The following SYT3 variants were observed in gnomAD, a reference collection of about 807,000 sequenced individuals.
The protein encoded by SYT3 is synaptotagmin 3.
Under a neutral mutation model 50.6 loss-of-function variants are expected in SYT3, and 25 were observed. The observed-to-expected ratio is 0.49, with a 90% CI of 0.36 to 0.69. The LOEUF (loss-of-function observed/expected upper bound fraction) is 0.69. Ranked by LOEUF, SYT3 falls within the 30% of genes least tolerant of loss-of-function variation. The pLI, the probability that SYT3 is intolerant of heterozygous loss-of-function variation, is 0.00. For missense variants in SYT3, 589 were observed against 793.6 expected (o/e 0.74, Z 3.10); for synonymous variants, 323 against 353.9 (o/e 0.91, Z 0.98).
the SYT3 span, among the ~76,000 whole-genome samples, chr19:50,645,664 A>G: frequency 5.3e-5 from 8 of 152,194 alleles, no homozygotes; most frequent in African/African-American, 1.9e-4. Flanking sequence ...AGATAGCTTG[A>G]GCTCAAGAGT....
chr19:50,656,346 G>A, the SYT3 span: 2 of 1,534,726 alleles, frequency 1.3e-6, no homozygotes, highest in Non-Finnish European at 1.7e-6. Context: ...TGGAGACCTT[G>A]GTGAGTGGAC....
intron 9 of SYT3, among the ~76,000 whole-genome samples, chr19:50,623,572 G>GT (rs55929546): frequency 1 from 144,951 of 145,658 alleles, 72,137 homozygotes; most frequent in Middle Eastern, 1. Flanking sequence ...GAGGTGGGAA[G>GT]TTGAGACCAG....
rs768850566 is a variant in SYT3, at chr19:50,625,384, G to A, written c.1574+9C>T. 9.7e-6 allele frequency: 15 copies of A among 1,542,554 alleles called. No homozygotes were observed. The South Asian group carries it at 1.3e-4, about 14-fold the overall frequency. On this transcript the variant is annotated intron_variant, in intron 8 of 10. Coordinates refer to ENST00000600079, the MANE Select transcript of SYT3 (RefSeq NM_001160329.2). This position sits in a 1 kb window ranked among gnomAD's most constrained non-coding sequence, Gnocchi z 7.5. ...CCTGCCTGACCCCCGCCCGGGCCGC[G>A]CCCCTCACCAGTCGTAGTCTACCAC...
chr19:50,625,819 C>T lies in SYT3; in HGVS notation c.1402+78G>A. The stretch of plus-strand genomic sequence containing the variant: ...CTCCTCCTCCCTCAGACCCAGGAGT[C>T]CAGGCCCCTGGCCCCTCCTCCCTCA... On this transcript the variant is annotated intron_variant, in intron 7 of 10. Transcript: ENST00000600079. This position sits in a 1 kb window ranked among gnomAD's most constrained non-coding sequence, Gnocchi z 7.5. The T allele has an allele frequency of 1.9e-6, 2 of 1,032,210 alleles. No homozygotes were observed. Among genetic ancestry groups the T allele is most frequent in the African/African-American group, 1.6e-5 (1 of 62,912 alleles). 63.9% of individuals were successfully genotyped at this position (1,032,210 alleles called of 1,614,324 possible).
At chr19:50,640,473 A>G, upstream of SYT3, among the ~76,000 whole-genome samples, 1 of 152,246 alleles carries the variant, frequency 6.6e-6, no homozygotes, top group Non-Finnish European at 1.5e-5. Context: ...GTATATTAAT[A>G]GCAGTTAATG....
chr19:50,629,606 G>A, intron 5 of SYT3, 94 bp from the exon 6 acceptor site: 1 of 1,362,310 alleles, frequency 7.3e-7, no homozygotes. Flanking sequence ...TCCTCCCTCA[G>A]ACCCAGGAGT....
the SYT3 span, among the ~76,000 whole-genome samples, chr19:50,652,974 G>C: frequency 6.6e-6 from 1 of 151,970 alleles, no homozygotes; most frequent in African/African-American, 2.4e-5. Flanking sequence ...GTTTCATCAT[G>C]TGTTAAACAA....
chr19:50,649,825 T>G, the SYT3 span: 2 of 509,636 alleles, frequency 3.9e-6, no homozygotes, highest in Admixed American at 4.5e-5. Flanking sequence ...TCTCCCACCC[T>G]GAGCTCAGCA....
the SYT3 span, among the ~76,000 whole-genome samples, chr19:50,645,172 C>A: frequency 6.6e-6 from 1 of 152,192 alleles, no homozygotes. Flanking sequence ...GCCACCACTG[C>A]GGCGCTGACA....
Position 50,637,504 on chromosome 19 carries a change from G to A in SYT3, c.-15-78C>T. On this transcript the variant is annotated intron_variant, in intron 2 of 10. Transcript: ENST00000600079. This position sits in a 1 kb window ranked among gnomAD's most constrained non-coding sequence, Gnocchi z 4.9. ...GCAGGGTGGGCAGGTGTGGAGATAA[G>A]GGTGGAAAGAGACACCGAGAAAAGG... 7.6e-7 allele frequency: 1 copy of A among 1,323,528 alleles called. No homozygotes were observed. Among genetic ancestry groups the A allele is most frequent in the Non-Finnish European group, 1.0e-6 (1 of 969,740 alleles). The allele number at this position is 1,323,528 out of a possible 1,614,324, so 82.0% of individuals were successfully genotyped here.
At chr19:50,646,900 G>A in the SYT3 span, among the ~76,000 whole-genome samples, 23 of 151,894 alleles carry the variant, frequency 1.5e-4, no homozygotes, top group Non-Finnish European at 2.2e-4. Context: ...GCGCGATCTC[G>A]GCTCACTGCA....
At chr19:50,628,754 G>A (rs1984165884) in intron 6 of SYT3, among the ~76,000 whole-genome samples, 1 of 152,036 alleles carries the variant, frequency 6.6e-6, no homozygotes, top group Non-Finnish European at 1.5e-5. Context: ...TTGGAAAATC[G>A]GATCCAGACC....
chr19:50,655,483 TA>T, the SYT3 span, among the ~76,000 whole-genome samples: 1 of 152,080 alleles, frequency 6.6e-6, no homozygotes, highest in Non-Finnish European at 1.5e-5. Flanking sequence ...ACCCCGTCTC[TA>T]CTAAAAATAC....
rs759469898 is a variant in SYT3, at chr19:50,625,251, C to T, written c.1618G>A (p.Asp540Asn). 14 of 1,561,014 alleles carry T rather than the reference C, an allele frequency of 9.0e-6. No individual in the cohort carries two copies. The highest frequency in any genetic ancestry group is 8.6e-6 in the Non-Finnish European group (10 of 1,157,614). Residue 540 changes from aspartate to asparagine, a missense_variant, in exon 9 of 11, where the codon GAC (aspartate) becomes AAC (asparagine). Coordinates refer to ENST00000600079, the MANE Select transcript of SYT3 (RefSeq NM_001160329.2). This position sits in a 1 kb window ranked among gnomAD's most constrained non-coding sequence, Gnocchi z 7.5. ...TCGCGGCCGTGCGGGTCGGCAGCGT[C>T]GGGGCCCACACGGCACACGCCGATC... is the stretch of plus-strand genomic sequence containing the variant. ...EVIGVCRVGP[D>N]AADPHGREHW...
Position 50,624,403 on chromosome 19 carries a change from C to G in SYT3, c.1707+759G>C, listed in dbSNP as rs145240951. On this transcript the variant is annotated intron_variant, in intron 9 of 10. Transcript: ENST00000600079. ...TTAAATCTTTCATATATACCCTAGACAGAATTTGAATAATTTGACTTTCTT... is the reference window on the plus strand; with the variant it reads ...TTAAATCTTTCATATATACCCTAGAGAGAATTTGAATAATTTGACTTTCTT... Among the ~76,000 whole-genome samples the G allele has an allele frequency of 4.8e-3, 725 of 152,288 alleles. 2 individuals are homozygous for G. Among genetic ancestry groups the G allele is most frequent in the African/African-American group, 0.011 (473 of 41,554 alleles).
At chr19:50,650,490 A>G in the SYT3 span, among the ~76,000 whole-genome samples, 2 of 152,204 alleles carry the variant, frequency 1.3e-5, no homozygotes, top group African/African-American at 4.8e-5. Context: ...CCTGGCCAAC[A>G]TGGTGAAACC....
Position 50,625,640 on chromosome 19 carries a change from C to G in SYT3, c.1403-76G>C. 4 of 1,480,420 alleles carry G rather than the reference C, an allele frequency of 2.7e-6. No homozygotes were observed. Among genetic ancestry groups the G allele is most frequent in the Non-Finnish European group, 3.6e-6 (4 of 1,115,946 alleles). The allele number at this position is 1,480,420 out of a possible 1,614,324, so 91.7% of individuals were successfully genotyped here. On this transcript the variant is annotated intron_variant, in intron 7 of 10. Transcript: ENST00000600079. The surrounding 1 kb of genome is among the most constrained non-coding windows in gnomAD (Gnocchi z 7.5). ...GGGTCCAGGACCCCAGGCCCCGAGC[C>G]CCTCCTCCCTCAGACCCAGAGGTCC...
upstream of SYT3, among the ~76,000 whole-genome samples, chr19:50,641,774 A>C (rs2123029733): frequency 6.6e-6 from 1 of 152,166 alleles, no homozygotes; most frequent in African/African-American, 2.4e-5. Flanking sequence ...TGAACCCAGA[A>C]GGTGGAGGTT....
At chr19:50,647,861 T>A in the SYT3 span, among the ~76,000 whole-genome samples, 1 of 151,898 alleles carries the variant, frequency 6.6e-6, no homozygotes, top group African/African-American at 2.4e-5. Flanking sequence ...CCCGCTGAGA[T>A]AAAATTGCCA....
Sources: allele counts gnomAD v4.1 joint callset (sites outside exome capture counted in the v4.1 genomes callset), GRCh38; gene constraint gnomAD v4.1.1; non-coding constraint Gnocchi (gnomAD v3.1); transcripts MANE v1.5; gene names NCBI Gene and HGNC (gene_info 2026-07-23, HGNC 2026-07-21).